Variants in DENND5B observed in about 807,000 individuals in gnomAD.
The protein encoded by DENND5B is DENN domain-containing protein 5B.
Under a neutral mutation model 140.6 loss-of-function variants are expected in DENND5B, and 34 were observed. That is an observed-to-expected ratio of 0.24 (90% confidence interval 0.18 to 0.32). DENND5B has a LOEUF of 0.32. DENND5B is among the 10% of genes least tolerant of loss of function. DENND5B has a pLI of 1.00. For synonymous variants in DENND5B, 551 were observed against 562.1 expected, an observed-to-expected ratio of 0.98 and a Z score of 0.28; for missense variants, 1,142 against 1,560.2, an observed-to-expected ratio of 0.73 and a Z score of 4.52.
chr12:31,458,388 T>C (rs901923603), intron 4 of DENND5B, among the ~76,000 whole-genome samples: 9 of 152,230 alleles, frequency 5.9e-5, no homozygotes, highest in African/African-American at 2.2e-4. Context: ...CAAAACAAAA[T>C]GCATTTGGCT....
intron 1 of DENND5B, chr12:31,534,662 C>G (rs780894159): frequency 4.2e-6 from 1 of 236,056 alleles, no homozygotes; most frequent in Non-Finnish European, 8.8e-6. Flanking sequence ...TATTTTATAT[C>G]TTGCACGAAG....
At chr12:31,505,095 G>T (rs1031730107) in intron 1 of DENND5B, among the ~76,000 whole-genome samples, 1 of 152,108 alleles carries the variant, frequency 6.6e-6, no homozygotes, top group African/African-American at 2.4e-5. Flanking sequence ...TTACTAGCCT[G>T]AGTTTTTATT....
At chr12:31,463,960 G>A (rs1447511174) in intron 3 of DENND5B, among the ~76,000 whole-genome samples, 1 of 152,128 alleles carries the variant, frequency 6.6e-6, no homozygotes, top group Non-Finnish European at 1.5e-5. Flanking sequence ...GAGCCACTGT[G>A]CCCAGCCCAC....
intron 3 of DENND5B, among the ~76,000 whole-genome samples, chr12:31,476,990 A>G (rs554893447): frequency 1.8e-4 from 28 of 152,200 alleles, no homozygotes; most frequent in African/African-American, 6.5e-4. Context: ...GCACTTTGGG[A>G]GGCTGAGGCG....
chr12:31,460,735 A>G (rs926795315), intron 3 of DENND5B, among the ~76,000 whole-genome samples: 1 of 152,128 alleles, frequency 6.6e-6, no homozygotes, highest in African/African-American at 2.4e-5. Context: ...TAACATTGTT[A>G]TTATTTTTGA....
At chr12:31,514,374 C>T (rs1370247234) in intron 1 of DENND5B, among the ~76,000 whole-genome samples, 1 of 152,156 alleles carries the variant, frequency 6.6e-6, no homozygotes, top group Non-Finnish European at 1.5e-5. Context: ...AATGTATCCT[C>T]ATCGTTAGGC....
intron 11 of DENND5B, among the ~76,000 whole-genome samples, chr12:31,421,426 C>CA (rs563758722): frequency 4.0e-5 from 6 of 151,804 alleles, no homozygotes; most frequent in South Asian, 2.1e-4. Flanking sequence ...TAATAATTGG[C>CA]AAAAAAAGTA....
chr12:31,557,122 G>C (rs569633207), intron 1 of DENND5B, among the ~76,000 whole-genome samples: 49 of 152,240 alleles, frequency 3.2e-4, no homozygotes, highest in African/African-American at 9.6e-4. Context: ...AACAGGTTAA[G>C]ACAGCATCCA....
rs146441566 is a variant in DENND5B at position 31,407,046 on chromosome 12, C to T, written c.2803+2217G>A. 3.9e-3 allele frequency among the ~76,000 whole-genome samples: 590 copies of T among 152,218 alleles called. 5 individuals are homozygous for T. The highest frequency in any genetic ancestry group is 0.011 in the African/African-American group (469 of 41,532). On this transcript the variant is annotated intron_variant, in intron 14 of 20. Transcript: ENST00000389082. ...AACTCCTGACCTCATGTGATCCACC[C>T]GCCTTGGCCTCCCAAGGTGCTGGCA...
At chr12:31,507,867 G>C (rs1356275265) in intron 1 of DENND5B, among the ~76,000 whole-genome samples, 2 of 152,054 alleles carry the variant, frequency 1.3e-5, no homozygotes, top group Non-Finnish European at 2.9e-5. Context: ...ATGTCTTTGA[G>C]CAAGAGTTTT....
At chr12:31,409,415 T>C (rs1565551346) in intron 13 of DENND5B, 31 bp from the exon 14 acceptor site, 13 of 1,400,746 alleles carry the variant, frequency 9.3e-6, no homozygotes, top group Non-Finnish European at 1.2e-5. Context: ...CACAAGACAG[T>C]AGTATCAAAG....
At chr12:31,544,099 A>C (rs1948774138) in intron 1 of DENND5B, among the ~76,000 whole-genome samples, 1 of 152,148 alleles carries the variant, frequency 6.6e-6, no homozygotes, top group African/African-American at 2.4e-5. Flanking sequence ...GAGAGGCAGA[A>C]GTTGCAGTGA....
At chr12:31,547,768 C>T (rs1225764672) in intron 1 of DENND5B, among the ~76,000 whole-genome samples, 10 of 151,740 alleles carry the variant, frequency 6.6e-5, no homozygotes, top group Non-Finnish European at 1.2e-4. Context: ...TGCAATGGTG[C>T]GATCTTGGTT....
intron 8 of DENND5B, among the ~76,000 whole-genome samples, chr12:31,431,191 C>T (rs1355501174): frequency 2.0e-5 from 3 of 152,268 alleles, no homozygotes; most frequent in South Asian, 2.1e-4. Context: ...AAAATATATC[C>T]TATTATTCAA....
At chr12:31,471,092 T>C (rs1170769469) in intron 3 of DENND5B, among the ~76,000 whole-genome samples, 1 of 152,166 alleles carries the variant, frequency 6.6e-6, no homozygotes, top group East Asian at 1.9e-4. Context: ...TTTAAAAGAG[T>C]GCTAGGTCAA....
chr12:31,530,804 G>A (rs1429179158), intron 1 of DENND5B, among the ~76,000 whole-genome samples: 1 of 152,166 alleles, frequency 6.6e-6, no homozygotes, highest in African/African-American at 2.4e-5. Flanking sequence ...AAGCCTTAGA[G>A]GAACCCAAGC....
At chr12:31,480,303 T>A in intron 2 of DENND5B, 48 bp from the exon 3 acceptor site, 1 of 1,400,704 alleles carries the variant, frequency 7.1e-7, no homozygotes. Flanking sequence ...CACAAATAAC[T>A]TCAAGCCAGA....
At chr12:31,451,790 TG>T in intron 5 of DENND5B, 149 bp downstream of exon 5, 1 of 901,478 alleles carries the variant, frequency 1.1e-6, no homozygotes, top group South Asian at 1.9e-5. Context: ...TTAATGGGGC[TG>T]GAAGACAAAA....
At chr12:31,474,746 A>C (rs1945713761) in intron 3 of DENND5B, among the ~76,000 whole-genome samples, 1 of 152,228 alleles carries the variant, frequency 6.6e-6, no homozygotes, top group Non-Finnish European at 1.5e-5. Context: ...AAGAAGAGTA[A>C]AGGAGGGCAC....
Sources: allele counts gnomAD v4.1 joint callset (sites outside exome capture counted in the v4.1 genomes callset), GRCh38; gene constraint gnomAD v4.1.1; transcripts MANE v1.5; gene names NCBI Gene and HGNC (gene_info 2026-07-23, HGNC 2026-07-21).